The following SMAD5 variants were observed in gnomAD, a reference collection of about 807,000 sequenced individuals.
The protein encoded by SMAD5 is SMAD family member 5.
SMAD5 carries 9 observed loss-of-function variants against 43.1 expected under a neutral mutation model. That is an observed-to-expected ratio of 0.21 (90% CI 0.13 to 0.36). SMAD5 has a LOEUF of 0.36. Ranked by LOEUF, SMAD5 falls within the 10% of genes least tolerant of loss-of-function variation. The probability of loss-of-function intolerance (pLI) is 1.00; values close to 1 mark genes in which losing one functional copy is unlikely to be tolerated. For synonymous variants in SMAD5, 190 were observed against 192.4 expected, an observed-to-expected ratio of 0.99 and a Z score of 0.10; for missense variants, 348 against 574.0, an observed-to-expected ratio of 0.61 and a Z score of 4.02.
intron 2 of SMAD5, among the ~76,000 whole-genome samples, chr5:136,150,142 C>T (rs1026815732): frequency 6.6e-6 from 1 of 151,698 alleles, no homozygotes; most frequent in East Asian, 1.9e-4. Context: ...CTGTTCTTTT[C>T]ACTCTGTTGC....
At chr5:136,171,167 A>T (rs773319216) in intron 5 of SMAD5, among the ~76,000 whole-genome samples, 13 of 152,310 alleles carry the variant, frequency 8.5e-5, no homozygotes, top group Non-Finnish European at 1.8e-4. Context: ...ATTAAGTATG[A>T]TGTTAGCTGT....
chr5:136,136,505 G>T (rs13187638), intron 1 of SMAD5, among the ~76,000 whole-genome samples: 1 of 151,988 alleles, frequency 6.6e-6, no homozygotes, highest in Non-Finnish European at 1.5e-5. Context: ...CTAATCAGAA[G>T]TCTGAATCTG....
Position 136,163,331 on chromosome 5 carries a change from C to A in SMAD5, c.715C>A (p.Gln239Lys). ...TGATCAGATGGGTCAAGATAATTCC[C>A]AGCCTATGGATACAAGCAATAATAT... is the stretch of plus-strand genomic sequence containing the variant. The part of the protein sequence containing the change: ...PDDQMGQDNS[Q>K]PMDTSNNMIP... The change falls in exon 5 of 8, where the codon CAG (glutamine) becomes AAG (lysine). Residue 239 changes from glutamine (Q) to lysine (K), a missense_variant. Around this residue, in one of 5 missense-constraint regions of SMAD5, gnomAD observed 185 missense variants for 207.0 expected, o/e 0.89. Coordinates refer to ENST00000545279, the MANE Select transcript of SMAD5 (RefSeq NM_005903.7). 1 of 1,611,486 alleles carries A rather than the reference C, an allele frequency of 6.2e-7. No homozygotes were observed. The highest frequency in any genetic ancestry group is 1.1e-5 in the South Asian group (1 of 90,894).
In SMAD5 at chr5:136,179,114, C is replaced by T. The variant is rs539726665; in HGVS notation, c.*1634C>T. On this transcript the variant is annotated 3_prime_UTR_variant, in exon 8 of 8. Coordinates refer to ENST00000545279, the MANE Select transcript of SMAD5 (RefSeq NM_005903.7). ...GAATATAGACTCTTCTCTCATTTATCGATGATCCTCTTTTTCCATTTTTTA... is the reference window on the plus strand; with the variant it reads ...GAATATAGACTCTTCTCTCATTTATTGATGATCCTCTTTTTCCATTTTTTA... 29 of 152,296 alleles carry T rather than the reference C, an allele frequency of 1.9e-4. No homozygotes were observed. Among genetic ancestry groups the T allele is most frequent in the African/African-American group, 6.7e-4 (28 of 41,564 alleles). The allele number at this position is 152,296 out of a possible 1,614,324, so 9.4% of individuals were successfully genotyped here.
At chr5:136,149,117 A>G (rs1260008939) in intron 2 of SMAD5, among the ~76,000 whole-genome samples, 1 of 151,732 alleles carries the variant, frequency 6.6e-6, no homozygotes, top group Non-Finnish European at 1.5e-5. Flanking sequence ...AATAATGTGT[A>G]ATCTTTCCCT....
chr5:136,160,480 G>T (rs1311028487), intron 3 of SMAD5, among the ~76,000 whole-genome samples: 1 of 152,002 alleles, frequency 6.6e-6, no homozygotes, highest in African/African-American at 2.4e-5. Flanking sequence ...GGTTCAGTCA[G>T]GTATGTTTTT....
intron 1 of SMAD5, among the ~76,000 whole-genome samples, chr5:136,136,729 C>G (rs1752891226): frequency 6.6e-6 from 1 of 152,142 alleles, no homozygotes; most frequent in Admixed American, 6.5e-5. Flanking sequence ...GAGTGTCTCT[C>G]TCTGTCGCCC....
intron 4 of SMAD5, 66 bp from the exon 5 acceptor site, chr5:136,163,206 T>C (rs1374140123): frequency 2.1e-6 from 3 of 1,401,354 alleles, no homozygotes; most frequent in Admixed American, 4.4e-5. Flanking sequence ...AAGAATTTTC[T>C]AAAGCTTTTA....
At chr5:136,134,477 G>A (rs1010160445) in intron 1 of SMAD5, 1 of 152,196 alleles carries the variant, frequency 6.6e-6, no homozygotes, top group Non-Finnish European at 1.5e-5. Context: ...CCATTGTGGG[G>A]AAAACAGTAC....
At chr5:136,175,186 C>T (rs1257911943) in intron 7 of SMAD5, among the ~76,000 whole-genome samples, 2 of 152,130 alleles carry the variant, frequency 1.3e-5, no homozygotes, top group East Asian at 1.9e-4. Flanking sequence ...GGGAAACTGC[C>T]CCCATGATTC....
At chr5:136,144,098 A>G (rs1274089834) in intron 1 of SMAD5, among the ~76,000 whole-genome samples, 1 of 152,052 alleles carries the variant, frequency 6.6e-6, no homozygotes, top group African/African-American at 2.4e-5. Flanking sequence ...ATTTAATTCC[A>G]TTCATTCATA....
chr5:136,145,038 G>A (rs540286519), intron 1 of SMAD5, among the ~76,000 whole-genome samples: 2 of 151,872 alleles, frequency 1.3e-5, no homozygotes, highest in Admixed American at 6.6e-5. Flanking sequence ...CAGATACTGG[G>A]GGCAAGTGAT....
chr5:136,147,715 A>G (rs1753307450), intron 1 of SMAD5, 117 bp from the exon 2 acceptor site: 1 of 151,918 alleles, frequency 6.6e-6, no homozygotes, highest in Non-Finnish European at 1.5e-5. Flanking sequence ...CTAAATGTAA[A>G]GTCCTTAACA....
intron 2 of SMAD5, among the ~76,000 whole-genome samples, chr5:136,150,110 G>T (rs750502503): frequency 6.6e-6 from 1 of 151,380 alleles, no homozygotes; most frequent in Admixed American, 6.6e-5. Flanking sequence ...TGAATGTTTC[G>T]TAATATTTAG....
At chr5:136,151,352 T>C (rs1186056918) in intron 2 of SMAD5, among the ~76,000 whole-genome samples, 1 of 152,022 alleles carries the variant, frequency 6.6e-6, no homozygotes, top group African/African-American at 2.4e-5. Context: ...AATCAAGTGG[T>C]CAGGGAATTC....
chr5:136,161,422 A>G (rs2149773476), intron 4 of SMAD5, among the ~76,000 whole-genome samples: 2 of 152,338 alleles, frequency 1.3e-5, no homozygotes, highest in East Asian at 3.9e-4. Context: ...AATCTTCAGA[A>G]TGACTATGTG....
chr5:136,144,214 C>A (rs773251555), intron 1 of SMAD5, among the ~76,000 whole-genome samples: 1 of 151,978 alleles, frequency 6.6e-6, no homozygotes, highest in Non-Finnish European at 1.5e-5. Context: ...GGTTTTCAAG[C>A]TAGAAGTAGA....
intron 1 of SMAD5, among the ~76,000 whole-genome samples, chr5:136,142,016 C>A (rs944790318): frequency 6.6e-6 from 1 of 152,102 alleles, no homozygotes; most frequent in African/African-American, 2.4e-5. Context: ...TTAGATGAAG[C>A]AGAAAGTGAA....
intron 1 of SMAD5, among the ~76,000 whole-genome samples, chr5:136,147,111 T>G (rs1753285074): frequency 1.3e-5 from 2 of 151,724 alleles, no homozygotes; most frequent in Admixed American, 1.3e-4. Context: ...AAGTGGTACA[T>G]TGTCTCATCA....
Sources: gnomAD v4.1 joint callset for allele counts (sites outside exome capture counted in the v4.1 genomes callset) on GRCh38, gnomAD v4.1.1 for gene constraint, gnomAD v4.1.1 regional missense constraint, MANE v1.5 for transcripts, NCBI Gene and HGNC (gene_info 2026-07-23, HGNC 2026-07-21) for gene names.